Variants in C8orf34 observed in about 807,000 individuals in gnomAD.
C8orf34 encodes chromosome 8 open reading frame 34.
Under a neutral mutation model 68.3 loss-of-function variants are expected in C8orf34, and 65 were observed. The observed-to-expected ratio is 0.95, with a 90% CI of 0.78 to 1.17. The LOEUF is 1.17. C8orf34 is among the 50% of genes most tolerant of loss of function. The pLI, the probability that C8orf34 is intolerant of heterozygous loss-of-function variation, is 0.00. For missense variants in C8orf34, 664 were observed against 655.4 expected, an observed-to-expected ratio of 1.01 and a Z score of -0.14; for synonymous variants, 244 against 241.2, an observed-to-expected ratio of 1.01 and a Z score of -0.11.
chr8:68,807,770 T>A (rs139142885), intron 12 of C8orf34, among the ~76,000 whole-genome samples: 4 of 152,328 alleles, frequency 2.6e-5, no homozygotes, highest in Admixed American at 2.6e-4. Flanking sequence ...GTATTTTATC[T>A]TGCTTCTAGC....
At chr8:68,634,407 A>G (rs1033904600) in intron 7 of C8orf34, among the ~76,000 whole-genome samples, 2 of 152,244 alleles carry the variant, frequency 1.3e-5, no homozygotes, top group Non-Finnish European at 2.9e-5. Context: ...CATCTAGGAT[A>G]TGTTCCTGGT....
intron 3 of C8orf34, among the ~76,000 whole-genome samples, chr8:68,467,245 A>G (rs6988433): frequency 0.11 from 16,954 of 151,070 alleles, 1,044 homozygotes; most frequent in African/African-American, 0.15. Context: ...TGGTATTATT[A>G]TGACTAATTA....
intron 2 of C8orf34, among the ~76,000 whole-genome samples, chr8:68,443,178 G>T (rs971825037): frequency 6.6e-6 from 1 of 152,120 alleles, no homozygotes; most frequent in African/African-American, 2.4e-5. Context: ...GCTAAGACAT[G>T]AAACGGGATA....
chr8:68,381,558 C>G (rs1251375537), intron 1 of C8orf34, among the ~76,000 whole-genome samples: 1 of 149,542 alleles, frequency 6.7e-6, no homozygotes, highest in Non-Finnish European at 1.5e-5. Flanking sequence ...AGGTGAAACC[C>G]CGTCTCTACT....
intron 5 of C8orf34, among the ~76,000 whole-genome samples, chr8:68,521,244 C>G (rs1586309715): frequency 6.6e-6 from 1 of 152,240 alleles, no homozygotes; most frequent in South Asian, 2.1e-4. Flanking sequence ...TGTATCATAT[C>G]CGAGTCCATG....
intron 10 of C8orf34, among the ~76,000 whole-genome samples, chr8:68,771,281 T>A (rs1433542308): frequency 2.0e-5 from 3 of 152,216 alleles, no homozygotes; most frequent in African/African-American, 7.2e-5. Context: ...TGAATAGTAG[T>A]TGCTGCCTAT....
intron 8 of C8orf34, among the ~76,000 whole-genome samples, chr8:68,698,468 GAGAC>G (rs1288252193): frequency 6.6e-6 from 1 of 152,046 alleles, no homozygotes; most frequent in Non-Finnish European, 1.5e-5. Flanking sequence ...GAGAAGGAGA[GAGAC>G]TGGCTATATA....
At chr8:68,410,515 T>G (rs746507739) in intron 1 of C8orf34, among the ~76,000 whole-genome samples, 8 of 152,144 alleles carry the variant, frequency 5.3e-5, no homozygotes, top group Non-Finnish European at 1.0e-4. Context: ...GACTTGAGCA[T>G]CCTCAAACTG....
At chr8:68,459,548 A>G (rs1326746516) in intron 3 of C8orf34, among the ~76,000 whole-genome samples, 1 of 152,150 alleles carries the variant, frequency 6.6e-6, no homozygotes, top group Non-Finnish European at 1.5e-5. Context: ...GAACTCTTAT[A>G]CACTGTTAGT....
intron 8 of C8orf34, among the ~76,000 whole-genome samples, chr8:68,669,351 TAG>T (rs1819938300): frequency 6.6e-6 from 1 of 152,132 alleles, no homozygotes; most frequent in South Asian, 2.1e-4. Flanking sequence ...CTAAAAATAT[TAG>T]AGTCTTAAAA....
intron 6 of C8orf34, among the ~76,000 whole-genome samples, chr8:68,526,627 G>T (rs1408560017): frequency 2.0e-5 from 3 of 149,566 alleles, no homozygotes; most frequent in Admixed American, 6.7e-5. Flanking sequence ...AACTTTTCAT[G>T]ACCTCTTCAA....
At chr8:68,652,286 G>A (rs1235596068) in intron 8 of C8orf34, among the ~76,000 whole-genome samples, 1 of 152,168 alleles carries the variant, frequency 6.6e-6, no homozygotes, top group Non-Finnish European at 1.5e-5. Flanking sequence ...TGGTTGAGTT[G>A]TAAGAATTAT....
intron 1 of C8orf34, among the ~76,000 whole-genome samples, chr8:68,354,390 G>A (rs1198342333): frequency 6.6e-6 from 1 of 151,940 alleles, no homozygotes. Context: ...TGCCCAGACC[G>A]GGGTGCAGTG....
At chr8:68,764,084 TG>T (rs1269989924) in intron 10 of C8orf34, among the ~76,000 whole-genome samples, 1 of 152,204 alleles carries the variant, frequency 6.6e-6, no homozygotes, top group Non-Finnish European at 1.5e-5. Context: ...AAGAGGCAGC[TG>T]TTTTGGGGAT....
intron 1 of C8orf34, chr8:68,437,804 TTCTAAC>T (rs1810726868): frequency 6.6e-6 from 1 of 152,202 alleles, no homozygotes; most frequent in Non-Finnish European, 1.5e-5. Flanking sequence ...ATCTTTTTAC[TTCTAAC>T]TCTGTGTTCC....
At chr8:68,403,786 A>G (rs933192022) in intron 1 of C8orf34, among the ~76,000 whole-genome samples, 3 of 152,262 alleles carry the variant, frequency 2.0e-5, no homozygotes, top group South Asian at 4.1e-4. Context: ...TCTATCATTA[A>G]TGGGCATTTG....
In C8orf34 at chr8:68,387,029, T is replaced by C. The variant is rs1248948356; in HGVS notation, c.328-52470T>C. ...GTATTTTAACTGAGGTATTCCAAGC[T>C]GAAGGATGGCATGATACAAAGATGG... On this transcript the variant is annotated intron_variant, in intron 1 of 13. Coordinates refer to ENST00000518698, the MANE Select transcript of C8orf34 (RefSeq NM_052958.4). Among the ~76,000 whole-genome samples the C allele has an allele frequency of 3.3e-5, 5 of 152,074 alleles. 1 individual carries two copies. Among genetic ancestry groups the C allele is most frequent in the Admixed American group, 6.6e-5 (1 of 15,258 alleles).
chr8:68,487,873 G>A (rs1361444140), intron 4 of C8orf34, 150 bp from the exon 5 acceptor site: 2 of 546,304 alleles, frequency 3.7e-6, no homozygotes, highest in South Asian at 2.4e-5. Context: ...TTGGTAAAAG[G>A]ATGTGCCACA....
intron 8 of C8orf34, among the ~76,000 whole-genome samples, chr8:68,679,530 A>C (rs1462658924): frequency 2.0e-5 from 3 of 152,134 alleles, no homozygotes; most frequent in African/African-American, 7.2e-5. Flanking sequence ...TGCAATCTCT[A>C]TCATAATACC....
Sources: gnomAD v4.1 joint callset for allele counts (sites outside exome capture counted in the v4.1 genomes callset) on GRCh38, gnomAD v4.1.1 for gene constraint, MANE v1.5 for transcripts, NCBI Gene and HGNC (gene_info 2026-07-23, HGNC 2026-07-21) for gene names.